DPYD: variants seen among roughly 807,000 people sequenced by gnomAD.
DPYD encodes dihydropyrimidine dehydrogenase.
Under a neutral mutation model 116.2 loss-of-function variants are expected in DPYD, and 109 were observed. The ratio of observed to expected loss-of-function variants is 0.94; its 90% CI spans 0.80 to 1.10. The LOEUF is 1.10. DPYD is among the 50% of genes least tolerant of loss of function. The pLI, the probability that DPYD is intolerant of heterozygous loss-of-function variation, is 0.00. For synonymous variants in DPYD, 440 were observed against 432.0 expected (o/e 1.02, Z -0.23); for missense variants, 1,302 against 1,254.5 (o/e 1.04, Z -0.57).
intron 19 of DPYD, among the ~76,000 whole-genome samples, chr1:97,232,145 T>C (rs1661624050): frequency 6.6e-6 from 1 of 152,194 alleles, no homozygotes; most frequent in African/African-American, 2.4e-5. Flanking sequence ...GCCGAGAATG[T>C]CTTGATTTCT....
chr1:97,226,964 C>A (rs569665297), intron 19 of DPYD, among the ~76,000 whole-genome samples: 5 of 152,000 alleles, frequency 3.3e-5, no homozygotes, highest in African/African-American at 4.8e-5. Context: ...TAGAAATAAA[C>A]AGTGCCACGG....
At chr1:97,189,887 T>C (rs1426206832) in intron 20 of DPYD, among the ~76,000 whole-genome samples, 1 of 152,160 alleles carries the variant, frequency 6.6e-6, no homozygotes, top group Non-Finnish European at 1.5e-5. Context: ...ATAAAGATTA[T>C]AGCAAGTCTC....
At chr1:97,283,110 G>C in intron 18 of DPYD, among the ~76,000 whole-genome samples, 1 of 151,986 alleles carries the variant, frequency 6.6e-6, no homozygotes, top group Non-Finnish European at 1.5e-5. Flanking sequence ...GTTTAATTTA[G>C]TACAATTGTT....
chr1:97,142,126 G>A lies in DPYD; in HGVS notation c.2623-43494C>T, dbSNP rs566349146. ...ATCCCCATAGAATGCAGAGAGAATA[G>A]AAATGTAAACCCTAGTAAAAATTAA... is the stretch of plus-strand genomic sequence containing the variant. On this transcript the variant is annotated intron_variant, in intron 20 of 22. Transcript: ENST00000370192. 6.6e-5 allele frequency among the ~76,000 whole-genome samples: 10 copies of A among 152,226 alleles called. No homozygotes were observed. The South Asian group carries it at 2.1e-3, about 32-fold the overall frequency.
At chr1:97,686,408 G>T (rs1203394676) in intron 7 of DPYD, among the ~76,000 whole-genome samples, 1 of 151,240 alleles carries the variant, frequency 6.6e-6, no homozygotes, top group Non-Finnish European at 1.5e-5. Flanking sequence ...AGGCCGAGGC[G>T]GGCGGATCAC....
chr1:97,373,162 T>C (rs1245371641), intron 16 of DPYD, among the ~76,000 whole-genome samples: 1 of 152,222 alleles, frequency 6.6e-6, no homozygotes, highest in Non-Finnish European at 1.5e-5. Context: ...AAAATGCAAT[T>C]TGTGCCGTGC....
intron 14 of DPYD, among the ~76,000 whole-genome samples, chr1:97,434,285 C>T (rs1675341504): frequency 6.6e-6 from 1 of 152,042 alleles, no homozygotes; most frequent in African/African-American, 2.4e-5. Flanking sequence ...TTAACTCATT[C>T]CTTATTAATG....
chr1:97,358,544 C>T (rs1670540875), intron 16 of DPYD, among the ~76,000 whole-genome samples: 1 of 152,162 alleles, frequency 6.6e-6, no homozygotes, highest in Non-Finnish European at 1.5e-5. Context: ...GGAGACACCT[C>T]TCAGTAGGGG....
chr1:97,152,967 A>G (rs1050520712), intron 20 of DPYD, among the ~76,000 whole-genome samples: 2 of 152,096 alleles, frequency 1.3e-5, no homozygotes, highest in African/African-American at 4.8e-5. Context: ...ATGGTCTGTA[A>G]AACACTTAAA....
chr1:97,161,751 G>A (rs1255753359), intron 20 of DPYD, among the ~76,000 whole-genome samples: 6 of 119,352 alleles, frequency 5.0e-5, no homozygotes, highest in Non-Finnish European at 9.7e-5. Context: ...TCCCCAGAGT[G>A]TGATGTTCCC....
intron 11 of DPYD, among the ~76,000 whole-genome samples, chr1:97,566,635 A>G (rs1426389387): frequency 6.6e-6 from 1 of 152,144 alleles, no homozygotes; most frequent in African/African-American, 2.4e-5. Flanking sequence ...ATTAAAATGC[A>G]TGCAACAGTG....
At chr1:97,485,684 AT>A (rs1365244518) in intron 13 of DPYD, among the ~76,000 whole-genome samples, 1 of 152,028 alleles carries the variant, frequency 6.6e-6, no homozygotes, top group Non-Finnish European at 1.5e-5. Context: ...ACATGTGGTC[AT>A]TTTTCAGTTT....
At chr1:97,187,517 T>C (rs1478268640) in intron 20 of DPYD, among the ~76,000 whole-genome samples, 2 of 152,158 alleles carry the variant, frequency 1.3e-5, no homozygotes, top group East Asian at 3.8e-4. Flanking sequence ...TTTTCTCCTA[T>C]TCTGTAGGCC....
intron 18 of DPYD, 45 bp downstream of exon 18, chr1:97,305,214 A>T (rs1169066785): frequency 1.5e-5 from 24 of 1,610,934 alleles, no homozygotes; most frequent in Non-Finnish European, 2.0e-5. Flanking sequence ...CTGATTTTTC[A>T]GCAACCTCCA....
intron 13 of DPYD, among the ~76,000 whole-genome samples, chr1:97,506,905 T>A (rs550632505): frequency 3.3e-5 from 5 of 152,044 alleles, no homozygotes; most frequent in African/African-American, 9.7e-5. Context: ...CATGGTATGA[T>A]TGCGAACAGA....
chr1:97,283,640 G>T (rs960907626), intron 18 of DPYD, among the ~76,000 whole-genome samples: 5 of 151,884 alleles, frequency 3.3e-5, no homozygotes, highest in African/African-American at 1.2e-4. Context: ...TGAAATAAAC[G>T]CTGTATTTAC....
chr1:97,134,255 T>C (rs1294899560), intron 20 of DPYD, among the ~76,000 whole-genome samples: 2 of 151,752 alleles, frequency 1.3e-5, no homozygotes, highest in African/African-American at 2.4e-5. Context: ...AATTGAGTTA[T>C]TAATGTATTT....
In DPYD at chr1:97,721,672, C is replaced by T; in HGVS notation, c.322-1G>A. The T allele has an allele frequency of 6.2e-7, 1 of 1,610,530 alleles. No individual in the cohort carries two copies. Among genetic ancestry groups the T allele is most frequent in the Non-Finnish European group, 8.5e-7 (1 of 1,177,736 alleles). ...TCATCTTAGCAGCTCCATAATAGTT[C>T]TGCAAAATTAATACAAAATAAAATT... is the stretch of plus-strand genomic sequence containing the variant. On this transcript the variant is annotated splice_acceptor_variant, in intron 4 of 22. Coordinates refer to ENST00000370192, the MANE Select transcript of DPYD (RefSeq NM_000110.4). LOFTEE classifies it high-confidence loss of function.
chr1:97,480,693 T>C (rs924292036), intron 13 of DPYD, among the ~76,000 whole-genome samples: 1 of 152,204 alleles, frequency 6.6e-6, no homozygotes, highest in African/African-American at 2.4e-5. Flanking sequence ...TAAAATATTA[T>C]AAAAAGGCTG....
Sources: allele counts gnomAD v4.1 joint callset (sites outside exome capture counted in the v4.1 genomes callset), GRCh38; gene constraint gnomAD v4.1.1; transcripts MANE v1.5; gene names NCBI Gene and HGNC (gene_info 2026-07-23, HGNC 2026-07-21).